MYL2: variants seen among roughly 807,000 people sequenced by gnomAD.
MYL2 encodes myosin light chain 2.
MYL2 carries 19 observed loss-of-function variants against 23.0 expected under a neutral mutation model. The ratio of observed to expected loss-of-function variants is 0.83; its 90% CI spans 0.58 to 1.21. MYL2 has a LOEUF of 1.21. MYL2 is among the 50% of genes most tolerant of loss of function. MYL2 has a pLI of 0.00. For missense variants in MYL2, 180 were observed against 215.1 expected (o/e 0.84, Z 1.02); for synonymous variants, 78 against 76.2 (o/e 1.02, Z -0.13).
rs2071676025 is a variant in MYL2 at position 110,914,429 on chromosome 12, C to G, written c.170-139G>C. 5.8e-6 allele frequency: 4 copies of G among 695,624 alleles called. No homozygotes were observed. In the South Asian group the frequency reaches 6.0e-5, roughly 10 times the overall value. 43.1% of individuals were successfully genotyped at this position (695,624 alleles called of 1,614,324 possible). ...AGATGGGGTGGATGGAGGCAAAGATCTTTTCTGAGAAGATGTTCTTGACAG... is the reference window on the plus strand; with the variant it reads ...AGATGGGGTGGATGGAGGCAAAGATGTTTTCTGAGAAGATGTTCTTGACAG... On this transcript the variant is annotated intron_variant, in intron 3 of 6. Transcript: ENST00000228841.
chr12:110,914,279 C>T lies in MYL2; in HGVS notation c.181G>A (p.Val61Met), dbSNP rs730880949. ...ATTTCATCAATTTCTTCATTTTTCA[C>T]GTTCACTCGCCCTAGGGTAGGAAAC... ...DTFAALGRVN[V>M]KNEEIDEMIK... The change falls in exon 4 of 7, where the codon GTG becomes ATG. Residue 61 changes from valine to methionine, a missense_variant. By Grantham distance (21) the Val-to-Met change is conservative. Transcript: ENST00000228841. 3.7e-6 allele frequency: 6 copies of T among 1,613,794 alleles called. No homozygotes were observed. Among genetic ancestry groups the T allele is most frequent in the Non-Finnish European group, 4.2e-6 (5 of 1,179,756 alleles).
intron 2 of MYL2, 58 bp downstream of exon 2, chr12:110,919,046 G>A (rs2071703147): frequency 6.6e-7 from 1 of 1,507,810 alleles, no homozygotes; most frequent in Non-Finnish European, 9.2e-7. Context: ...ACAAAAAGAA[G>A]GTTCTCCCTC....
intron 2 of MYL2, among the ~76,000 whole-genome samples, chr12:110,917,568 C>T (rs999548150): frequency 6.6e-6 from 1 of 152,190 alleles, no homozygotes; most frequent in African/African-American, 2.4e-5. Flanking sequence ...CTTTGCATCC[C>T]TTACCCACAC....
chr12:110,910,987 GGTA>G lies in MYL2; in HGVS notation c.*87_*89del. 3.3e-6 allele frequency: 4 copies of G among 1,195,680 alleles called. No individual in the cohort carries two copies. Among genetic ancestry groups the G allele is most frequent in the Non-Finnish European group, 5.0e-6 (4 of 801,160 alleles). 74.1% of individuals were successfully genotyped at this position (1,195,680 alleles called of 1,614,324 possible). ...GGGCAGCCACATGGCTAACAGACAA[GGTA>G]GGGACAGAGGCGGTACTCGGGGGAG... On this transcript the variant is annotated 3_prime_UTR_variant, in exon 7 of 7. Transcript: ENST00000228841.
At chr12:110,920,069 C>G (rs1232244261) in intron 1 of MYL2, among the ~76,000 whole-genome samples, 1 of 152,200 alleles carries the variant, frequency 6.6e-6, no homozygotes, top group Non-Finnish European at 1.5e-5. Flanking sequence ...TGTGCTGACC[C>G]TGATTTGGGG....
At chr12:110,912,139 G>C (rs1275532080) in intron 6 of MYL2, among the ~76,000 whole-genome samples, 1 of 152,182 alleles carries the variant, frequency 6.6e-6, no homozygotes, top group Non-Finnish European at 1.5e-5. Context: ...TGTGGAACTT[G>C]ATGGAAACAG....
At position 110,914,276 on chromosome 12, in the gene MYL2, T is replaced by A. The variant is rs201728041; in HGVS notation, c.184A>T (p.Lys62Ter). The change falls in exon 4 of 7, where the codon AAA becomes TAA. Residue 62 changes from lysine (K) to a stop codon, truncating the protein, a stop_gained. Transcript: ENST00000228841. LOFTEE classifies it high-confidence loss of function. ...TFAALGRVNV[K>*]NEEIDEMIKE... ...ATCATTTCATCAATTTCTTCATTTTTCACGTTCACTCGCCCTAGGGTAGGA... is the reference window on the plus strand; with the variant it reads ...ATCATTTCATCAATTTCTTCATTTTACACGTTCACTCGCCCTAGGGTAGGA... The A allele has an allele frequency of 9.3e-6, 15 of 1,613,846 alleles. No homozygotes were observed. Among genetic ancestry groups the A allele is most frequent in the Non-Finnish European group, 1.3e-5 (15 of 1,179,902 alleles).
rs7980471 is a variant in MYL2 at position 110,914,344 on chromosome 12, A to G, written c.170-54T>C. ...TCCGAGCTGGGGAGAAAGAACCATT[A>G]TGACACTGCCATTGGCTCCTGGGAT... On this transcript the variant is annotated intron_variant, in intron 3 of 6. Coordinates refer to ENST00000228841, the MANE Select transcript of MYL2 (RefSeq NM_000432.4). 5.0e-3 allele frequency: 6,330 copies of G among 1,259,414 alleles called. 230 individuals are homozygous for G. In the African/African-American group the frequency reaches 0.08, roughly 16 times the overall value. 78.0% of individuals were successfully genotyped at this position (1,259,414 alleles called of 1,614,324 possible).
upstream of MYL2, among the ~76,000 whole-genome samples, chr12:110,921,395 C>T (rs1320007876): frequency 5.3e-5 from 8 of 152,118 alleles, no homozygotes; most frequent in Admixed American, 4.6e-4. Context: ...GCACCTCCTG[C>T]GCTCCGATCT....
chr12:110,915,677 A>G (rs1413255701), intron 3 of MYL2, 38 bp downstream of exon 3: 2 of 1,594,764 alleles, frequency 1.3e-6, no homozygotes, highest in East Asian at 4.5e-5. Flanking sequence ...GATGTGAGAT[A>G]AAGAGACCCT....
chr12:110,911,109 G>C lies in MYL2; in HGVS notation c.469C>G (p.His157Asp). ...TGNLDYKNLV[H>D]IITHGEEKD is the part of the protein sequence containing the mutation. Reference sequence around the variant, plus strand: ...TTCTCTTCTCCGTGGGTGATGATGTGCACCAGGTTCTTGTAGTCCAAGTTG... The same window carrying C: ...TTCTCTTCTCCGTGGGTGATGATGTCCACCAGGTTCTTGTAGTCCAAGTTG... Residue 157 changes from histidine to aspartate, a missense_variant, in exon 7 of 7, where the codon CAC becomes GAC. Transcript: ENST00000228841. The C allele has an allele frequency of 6.2e-7, 1 of 1,614,074 alleles. No individual in the cohort carries two copies. The highest frequency in any genetic ancestry group is 8.5e-7 in the Non-Finnish European group (1 of 1,180,020).
At position 110,913,198 on chromosome 12, in the gene MYL2, CA is replaced by C. The variant is rs369884745; in HGVS notation, c.353+47del. ...GTCAGTTGTGTGTGTGTAGGGGGGA[CA>C]GGGGGCAAGCAGGGAACCCCCTTCC... is the stretch of plus-strand genomic sequence containing the variant. On this transcript the variant is annotated intron_variant, in intron 5 of 6. Transcript: ENST00000228841. 6.4e-3 allele frequency: 10,234 copies of C among 1,609,560 alleles called. 550 individuals carry two copies. In the African/African-American group the frequency reaches 0.12, roughly 19 times the overall value.
intron 3 of MYL2, 107 bp from the exon 4 acceptor site, chr12:110,914,397 T>G (rs755051142): frequency 1.0e-5 from 8 of 778,824 alleles, no homozygotes; most frequent in Non-Finnish European, 1.8e-5. Flanking sequence ...AGTCTAGAAA[T>G]CATCAGAGAT....
chr12:110,912,710 G>A (rs1415914396), intron 6 of MYL2, among the ~76,000 whole-genome samples: 2 of 152,132 alleles, frequency 1.3e-5, no homozygotes, highest in East Asian at 1.9e-4. Flanking sequence ...GAATACAGGC[G>A]TCCACCACCA....
At position 110,911,126 on chromosome 12, in the gene MYL2, T is replaced by A. The variant is rs1280657728; in HGVS notation, c.452A>T (p.Asp151Val). Residue 151 changes from aspartate (D) to valine (V), a missense_variant, in exon 7 of 7, where the codon GAC (aspartate) becomes GTC (valine). By Grantham distance (152) the Asp-to-Val change is radical (BLOSUM62 -3). Transcript: ENST00000228841. ...AFPPDVTGNL[D>V]YKNLVHIITH... ...GATGATGTGCACCAGGTTCTTGTAG[T>A]CCAAGTTGCCAGTCACGTCAGGGGG... The A allele has an allele frequency of 6.2e-7, 1 of 1,613,202 alleles. No individual in the cohort carries two copies. The highest frequency in any genetic ancestry group is 1.7e-5 in the Admixed American group (1 of 59,880).
intron 3 of MYL2, 32 bp from the exon 4 acceptor site, chr12:110,914,322 G>T: frequency 1.3e-6 from 2 of 1,497,242 alleles, no homozygotes; most frequent in Non-Finnish European, 9.3e-7. Flanking sequence ...CAGGGACTCC[G>T]AGCTGGGGAG....
intron 6 of MYL2, among the ~76,000 whole-genome samples, chr12:110,912,513 G>A (rs1027580442): frequency 6.6e-6 from 1 of 152,194 alleles, no homozygotes; most frequent in Non-Finnish European, 1.5e-5. Flanking sequence ...CTGCAGTCAC[G>A]CAGACCTAGG....
chr12:110,917,513 A>T (rs894579853), intron 2 of MYL2, among the ~76,000 whole-genome samples: 5 of 150,684 alleles, frequency 3.3e-5, no homozygotes, highest in Admixed American at 6.6e-5. Context: ...ACAAACAAAC[A>T]AACAAACAGA....
In MYL2 at chr12:110,913,079, T is replaced by C. The variant is rs1555257745; in HGVS notation, c.402+17A>G. 5 of 1,614,076 alleles carry C rather than the reference T, an allele frequency of 3.1e-6. No individual in the cohort carries two copies. The highest frequency in any genetic ancestry group is 4.2e-6 in the Non-Finnish European group (5 of 1,179,994). Reference sequence around the variant, plus strand: ...CCAGGAGCTGGGTTAGAGGGAGTGCTTGAAGGACCCCATTACCTCCTCCTT... The same window carrying C: ...CCAGGAGCTGGGTTAGAGGGAGTGCCTGAAGGACCCCATTACCTCCTCCTT... On this transcript the variant is annotated intron_variant, in intron 6 of 6. Coordinates refer to ENST00000228841, the MANE Select transcript of MYL2 (RefSeq NM_000432.4).
Sources: gnomAD v4.1 joint callset for allele counts (sites outside exome capture counted in the v4.1 genomes callset) on GRCh38, gnomAD v4.1.1 for gene constraint, MANE v1.5 for transcripts, NCBI Gene and HGNC (gene_info 2026-07-23, HGNC 2026-07-21) for gene names.